OXR1: variants seen among roughly 807,000 people sequenced by gnomAD.
OXR1 encodes the protein oxidation resistance protein 1.
A neutral mutation model predicts 104.6 loss-of-function variants in OXR1; 41 were observed. The ratio of observed to expected loss-of-function variants is 0.39; its 90% CI spans 0.31 to 0.51. The LOEUF is 0.51. Among genes scored for constraint, OXR1 ranks in the 20% least tolerant of loss-of-function variants. The pLI, the probability that OXR1 is intolerant of heterozygous loss-of-function variation, is 0.77. For synonymous variants in OXR1, 348 were observed against 348.4 expected, an observed-to-expected ratio of 1.00 and a Z score of 0.01; for missense variants, 955 against 1,031.9, an observed-to-expected ratio of 0.93 and a Z score of 1.02.
intron 1 of OXR1, among the ~76,000 whole-genome samples, chr8:106,275,713 C>A (rs940927466): frequency 6.6e-6 from 1 of 152,118 alleles, no homozygotes; most frequent in East Asian, 1.9e-4. Flanking sequence ...ATTATTGTGC[C>A]AGCTGGAAGG....
In OXR1 at chr8:106,371,254, T is replaced by C. The variant is rs539067391; in HGVS notation, c.23+11618T>C. On this transcript the variant is annotated intron_variant, in intron 2 of 16. Transcript: ENST00000517566. ...TGTGGGGTCAGTAGTGATATCCCTT[T>C]ATCTTTTTTTATTGTGTCTATTTGA... Among the ~76,000 whole-genome samples, 22 of 152,264 alleles carry C rather than the reference T, an allele frequency of 1.4e-4. 1 individual carries two copies. In the South Asian group the frequency reaches 4.6e-3, roughly 32 times the overall value.
At chr8:106,607,527 C>G (rs1185774348) in intron 3 of OXR1, among the ~76,000 whole-genome samples, 1 of 152,198 alleles carries the variant, frequency 6.6e-6, no homozygotes, top group Non-Finnish European at 1.5e-5. Context: ...GCCTCAGAAC[C>G]ATCTCCTGCC....
intron 2 of OXR1, among the ~76,000 whole-genome samples, chr8:106,426,135 C>T (rs1280343256): frequency 1.3e-5 from 2 of 152,162 alleles, no homozygotes; most frequent in Non-Finnish European, 2.9e-5. Context: ...ATCTCTATAC[C>T]TCAGCTGCTC....
intron 1 of OXR1, among the ~76,000 whole-genome samples, chr8:106,296,725 A>G (rs1177013848): frequency 1.3e-5 from 2 of 152,214 alleles, no homozygotes; most frequent in Non-Finnish European, 2.9e-5. Context: ...TTGGACAAGC[A>G]GTGAATGTTT....
At chr8:106,618,052 C>T (rs1821386122) in intron 3 of OXR1, 1 of 1,530,778 alleles carries the variant, frequency 6.5e-7, no homozygotes, top group Admixed American at 2.0e-5. Flanking sequence ...GGCACTCTGG[C>T]AGAAAGGAAA....
At chr8:106,728,407 C>T (rs576207202) in intron 11 of OXR1, among the ~76,000 whole-genome samples, 1 of 152,154 alleles carries the variant, frequency 6.6e-6, no homozygotes, top group African/African-American at 2.4e-5. Flanking sequence ...GATACCTTGA[C>T]AGTTTTCCAA....
chr8:106,588,184 C>T (rs1818796708), intron 3 of OXR1, among the ~76,000 whole-genome samples: 1 of 152,110 alleles, frequency 6.6e-6, no homozygotes, highest in South Asian at 2.1e-4. Flanking sequence ...TGGTCTCGAT[C>T]TCCTGACCTC....
rs184322898 is a variant in OXR1, at chr8:106,466,541, T to G, written c.24-52402T>G. On this transcript the variant is annotated intron_variant, in intron 2 of 16. Transcript: ENST00000517566. ...TGCTCTCAATTCAAAAATTTACATC[T>G]TATAAACTTAATTTATAAGAATGTA... 5.3e-4 allele frequency among the ~76,000 whole-genome samples: 81 copies of G among 152,050 alleles called. 2 individuals carry two copies. The East Asian group carries it at 0.015, about 29-fold the overall frequency.
chr8:106,447,897 C>A (rs2130605685), intron 2 of OXR1: 2 of 1,505,014 alleles, frequency 1.3e-6, no homozygotes, highest in Non-Finnish European at 1.8e-6. Context: ...AACAGCCGGG[C>A]TCCTGGCGGA....
chr8:106,555,247 G>C (rs892362119), intron 3 of OXR1, among the ~76,000 whole-genome samples: 1 of 152,082 alleles, frequency 6.6e-6, no homozygotes, highest in Non-Finnish European at 1.5e-5. Flanking sequence ...CAAGTCATGG[G>C]TGAGAACTGC....
At chr8:106,278,587 T>C (rs1397784374) in intron 1 of OXR1, among the ~76,000 whole-genome samples, 1 of 152,240 alleles carries the variant, frequency 6.6e-6, no homozygotes, top group African/African-American at 2.4e-5. Context: ...GCAGTCATTT[T>C]CTAAGATAAA....
chr8:106,373,107 G>C (rs1367692089), intron 2 of OXR1, among the ~76,000 whole-genome samples: 3 of 152,182 alleles, frequency 2.0e-5, no homozygotes, highest in Non-Finnish European at 4.4e-5. Context: ...GGTATTATAA[G>C]TATCTAGGGA....
intron 9 of OXR1, 35 bp from the exon 10 acceptor site, chr8:106,710,587 G>A: frequency 5.0e-6 from 7 of 1,400,762 alleles, no homozygotes; most frequent in Non-Finnish European, 6.6e-6. Flanking sequence ...TGGTGTGTGA[G>A]AATTGAATAA....
intron 11 of OXR1, chr8:106,720,811 A>G (rs1258410722): frequency 6.9e-6 from 3 of 431,706 alleles, no homozygotes; most frequent in Non-Finnish European, 9.3e-6. Context: ...AAAATTTAAT[A>G]TATTTGGCAA....
intron 2 of OXR1, among the ~76,000 whole-genome samples, chr8:106,361,392 T>C (rs1816237639): frequency 6.6e-6 from 1 of 152,212 alleles, no homozygotes; most frequent in East Asian, 1.9e-4. Context: ...GCTAGTGTTC[T>C]GCATTAGATT....
intron 3 of OXR1, among the ~76,000 whole-genome samples, chr8:106,664,277 T>A (rs1042195440): frequency 6.6e-6 from 1 of 152,224 alleles, no homozygotes; most frequent in Non-Finnish European, 1.5e-5. Context: ...AACTTCAGCA[T>A]GCAACAGAAT....
intron 1 of OXR1, among the ~76,000 whole-genome samples, chr8:106,291,831 G>A (rs536717106): frequency 1.8e-4 from 28 of 152,158 alleles, no homozygotes; most frequent in Non-Finnish European, 3.8e-4. Flanking sequence ...AGGCAAGAGA[G>A]CATGTGCAGG....
chr8:106,450,569 T>A (rs1820256010), intron 2 of OXR1, among the ~76,000 whole-genome samples: 1 of 152,168 alleles, frequency 6.6e-6, no homozygotes, highest in South Asian at 2.1e-4. Context: ...CCTAAGAGTC[T>A]GCTCTTCTTG....
intron 2 of OXR1, among the ~76,000 whole-genome samples, chr8:106,395,289 G>T (rs1817733035): frequency 6.6e-6 from 1 of 152,074 alleles, no homozygotes; most frequent in South Asian, 2.1e-4. Context: ...CCATCAATAT[G>T]CACAAGATAA....
Sources: allele counts gnomAD v4.1 joint callset (sites outside exome capture counted in the v4.1 genomes callset), GRCh38; gene constraint gnomAD v4.1.1; transcripts MANE v1.5; gene names NCBI Gene and HGNC (gene_info 2026-07-23, HGNC 2026-07-21).